Variants in DMXL2 observed in about 807,000 individuals in gnomAD.
DMXL2 encodes dmX-like protein 2.
Under a neutral mutation model 331.1 loss-of-function variants are expected in DMXL2, and 103 were observed. The ratio of observed to expected loss-of-function variants is 0.31; its 90% confidence interval spans 0.27 to 0.37. The LOEUF is 0.37. Ranked by LOEUF, DMXL2 falls within the 10% of genes least tolerant of loss-of-function variation. The probability of loss-of-function intolerance (pLI) is 1.00; values close to 1 mark genes in which losing one functional copy is unlikely to be tolerated. For synonymous variants in DMXL2, 1,281 were observed against 1,252.1 expected (o/e 1.02, Z -0.49); for missense variants, 3,171 against 3,642.9 (o/e 0.87, Z 3.33).
intron 32 of DMXL2, among the ~76,000 whole-genome samples, chr15:51,464,060 T>C (rs539790365): frequency 8.5e-4 from 130 of 152,326 alleles, no homozygotes; most frequent in Non-Finnish European, 1.5e-3. Context: ...AGCACCTTAT[T>C]TGCATATATA....
intron 2 of DMXL2, among the ~76,000 whole-genome samples, chr15:51,572,217 C>A (rs181903569): frequency 7.2e-6 from 1 of 137,998 alleles, no homozygotes; most frequent in Admixed American, 7.5e-5. Context: ...CACATACACC[C>A]TCCCAATACT....
chr15:51,469,703 C>T (rs1299634238), intron 29 of DMXL2, among the ~76,000 whole-genome samples: 5 of 152,118 alleles, frequency 3.3e-5, no homozygotes, highest in African/African-American at 1.2e-4. Flanking sequence ...GTTGTTATCA[C>T]TCACATTAAT....
chr15:51,541,281 G>A (rs1018248806), intron 9 of DMXL2, among the ~76,000 whole-genome samples: 4 of 152,016 alleles, frequency 2.6e-5, no homozygotes, highest in East Asian at 3.9e-4. Context: ...CAATAGCCAC[G>A]TTACAAAAGG....
At position 51,527,737 on chromosome 15, in the gene DMXL2, G is replaced by T. The variant is rs1348496221; in HGVS notation, c.2436+7926C>A. ...ATTCTGCCTCCAAAAAAAAAAAAAA[G>T]AAGTCATCTGAAGGTACAAAACTCA... On this transcript the variant is annotated intron_variant, in intron 13 of 43. Transcript: ENST00000560891. Among the ~76,000 whole-genome samples, 3 of 147,878 alleles carry T rather than the reference G, an allele frequency of 2.0e-5. No individual in the cohort carries two copies. In the East Asian group the frequency reaches 5.9e-4, roughly 29 times the overall value.
intron 29 of DMXL2, among the ~76,000 whole-genome samples, chr15:51,469,167 A>G (rs1014401181): frequency 4.6e-5 from 7 of 152,124 alleles, no homozygotes; most frequent in African/African-American, 1.7e-4. Flanking sequence ...TGTGGGTGTA[A>G]CACTAATGTA....
intron 16 of DMXL2, among the ~76,000 whole-genome samples, chr15:51,506,679 T>C (rs1326470440): frequency 6.6e-6 from 1 of 151,852 alleles, no homozygotes; most frequent in African/African-American, 2.4e-5. Flanking sequence ...GGTCTCGATC[T>C]CCTGACCTCG....
chr15:51,462,618 T>C (rs750709413), intron 33 of DMXL2, among the ~76,000 whole-genome samples: 2 of 152,194 alleles, frequency 1.3e-5, no homozygotes, highest in Non-Finnish European at 2.9e-5. Context: ...ATTACAGGTG[T>C]GAGCCACCGT....
At chr15:51,541,317 T>G (rs965390248) in intron 9 of DMXL2, among the ~76,000 whole-genome samples, 4 of 152,112 alleles carry the variant, frequency 2.6e-5, no homozygotes, top group Admixed American at 2.0e-4. Flanking sequence ...AATAGTAATT[T>G]TAATAATATA....
intron 15 of DMXL2, among the ~76,000 whole-genome samples, 191 bp from the exon 16 acceptor site, chr15:51,507,444 C>T (rs1310342174): frequency 6.6e-6 from 1 of 152,024 alleles, no homozygotes; most frequent in Non-Finnish European, 1.5e-5. Flanking sequence ...AATGAAATTA[C>T]GTCAAAAGTA....
In DMXL2 at chr15:51,498,849, G is replaced by C; in HGVS notation, c.4375C>G (p.Gln1459Glu). 1.9e-6 allele frequency: 3 copies of C among 1,614,080 alleles called. No individual in the cohort carries two copies. Among genetic ancestry groups the C allele is most frequent in the Non-Finnish European group, 2.5e-6 (3 of 1,179,976 alleles). Residue 1459 changes from glutamine (Q) to glutamate (E), a missense_variant, in exon 18 of 44, where the codon CAG (glutamine) becomes GAG (glutamate). Coordinates refer to ENST00000560891, the MANE Select transcript of DMXL2 (RefSeq NM_001378457.1). Reference sequence around the variant, plus strand: ...TGATCCTCTGGTTGACTTACTGTCTGATCTTCATAGCTCTGTGGTATCTTT... The same window carrying C: ...TGATCCTCTGGTTGACTTACTGTCTCATCTTCATAGCTCTGTGGTATCTTT... ...STKIPQSYEDQTVSQPEDQYS... is the reference protein window; with the variant it reads ...STKIPQSYEDETVSQPEDQYS...
chr15:51,536,225 T>C lies in DMXL2; in HGVS notation c.2255A>G (p.His752Arg), dbSNP rs2048280186. The change falls in exon 12 of 44, where the codon CAT becomes CGT. Residue 752 changes from histidine (H) to arginine (R), a missense_variant. This residue lies in a region of DMXL2 where 1,674 missense variants were observed against 1,780.2 expected (regional missense o/e 0.94). Coordinates refer to ENST00000560891, the MANE Select transcript of DMXL2 (RefSeq NM_001378457.1). ...AGCCACATTAGAGAACGCTGAGGTATGTAAAGAGTTAATTCGAGCCAATTC... is the reference window on the plus strand; with the variant it reads ...AGCCACATTAGAGAACGCTGAGGTACGTAAAGAGTTAATTCGAGCCAATTC... ...VSELARINSLHTSAFSNVAWL... is the reference protein window; with the variant it reads ...VSELARINSLRTSAFSNVAWL... 1.4e-5 allele frequency: 22 copies of C among 1,613,336 alleles called. No homozygotes were observed. Among genetic ancestry groups the C allele is most frequent in the Non-Finnish European group, 1.7e-5 (20 of 1,179,644 alleles).
chr15:51,479,395 G>C (rs755145889), intron 25 of DMXL2, among the ~76,000 whole-genome samples: 11 of 152,322 alleles, frequency 7.2e-5, no homozygotes, highest in Non-Finnish European at 1.3e-4. Context: ...ATCCTGCCAA[G>C]CTCCCTAGTG....
intron 2 of DMXL2, among the ~76,000 whole-genome samples, chr15:51,574,853 A>G (rs931791632): frequency 3.3e-4 from 50 of 152,228 alleles, no homozygotes; most frequent in African/African-American, 1.2e-3. Flanking sequence ...ATGTGTGTTC[A>G]TTGCGATTAT....
Position 51,622,676 on chromosome 15 carries a change from C to T in DMXL2, c.-131G>A, listed in dbSNP as rs2054736625. ...CCGCCCCGCGGAGGCTCTGGCTTAACTCCTCGCCCCCCTTTCGCCTTCCCT... is the reference window on the plus strand; with the variant it reads ...CCGCCCCGCGGAGGCTCTGGCTTAATTCCTCGCCCCCCTTTCGCCTTCCCT... On this transcript the variant is annotated 5_prime_UTR_variant, in exon 1 of 44. Coordinates refer to ENST00000560891, the MANE Select transcript of DMXL2 (RefSeq NM_001378457.1). The T allele has an allele frequency of 2.8e-6, 4 of 1,425,750 alleles. No individual in the cohort carries two copies. The highest frequency in any genetic ancestry group is 5.8e-5 in the Admixed American group (2 of 34,248). 88.3% of individuals were successfully genotyped at this position (1,425,750 alleles called of 1,614,324 possible).
In DMXL2 at chr15:51,466,196, G is replaced by C; in HGVS notation, c.7508C>G (p.Pro2503Arg). 1 of 1,557,906 alleles carries C rather than the reference G, an allele frequency of 6.4e-7. No individual in the cohort carries two copies. Among genetic ancestry groups the C allele is most frequent in the African/African-American group, 1.4e-5 (1 of 71,456 alleles). Residue 2503 changes from proline to arginine, a missense_variant, in exon 30 of 44, where the codon CCA (proline) becomes CGA (arginine). This residue lies in a region of DMXL2 where 766 missense variants were observed against 940.5 expected (regional missense o/e 0.81). Transcript: ENST00000560891. Reference sequence around the variant, plus strand: ...AAGTCTTATTTACCTATAGGAATTTGGATCTTGGTGCTCCTGTATTTGTGT... The same window carrying C: ...AAGTCTTATTTACCTATAGGAATTTCGATCTTGGTGCTCCTGTATTTGTGT... ...SDTQIQEHQDPNSYSWALLHL... is the reference protein window; with the variant it reads ...SDTQIQEHQDRNSYSWALLHL...
At chr15:51,591,601 C>A (rs1408812000) in intron 1 of DMXL2, among the ~76,000 whole-genome samples, 1 of 152,202 alleles carries the variant, frequency 6.6e-6, no homozygotes, top group Non-Finnish European at 1.5e-5. Flanking sequence ...CAGCACTCAG[C>A]TGGACATCTG....
intron 6 of DMXL2, among the ~76,000 whole-genome samples, chr15:51,550,776 A>T (rs2049167501): frequency 6.6e-6 from 1 of 152,174 alleles, no homozygotes; most frequent in Non-Finnish European, 1.5e-5. Context: ...CTTAAACTAA[A>T]GATTTAATCA....
At chr15:51,491,986 C>CATTTCATTTTTGTT (rs2042834932) in intron 19 of DMXL2, among the ~76,000 whole-genome samples, 1 of 152,150 alleles carries the variant, frequency 6.6e-6, no homozygotes, top group East Asian at 1.9e-4. Flanking sequence ...TTCATTTCCC[C>CATTTCATTTTTGTT]TACAAAAATA....
Position 51,622,553 on chromosome 15 carries a change from G to A in DMXL2, c.-8C>T, listed in dbSNP as rs913052313. ...GACCTGATGCAGATGCATCTCCGGA[G>A]CCCGGGCTGGACAGAATGCGCGGGA... is the stretch of plus-strand genomic sequence containing the variant. On this transcript the variant is annotated 5_prime_UTR_variant, in exon 1 of 44. Transcript: ENST00000560891. 6 of 1,550,406 alleles carry A rather than the reference G, an allele frequency of 3.9e-6. No homozygotes were observed. Among genetic ancestry groups the A allele is most frequent in the Non-Finnish European group, 4.4e-6 (5 of 1,146,346 alleles).
Sources: allele counts gnomAD v4.1 joint callset (sites outside exome capture counted in the v4.1 genomes callset), GRCh38; gene constraint gnomAD v4.1.1; regional missense constraint gnomAD v4.1.1; transcripts MANE v1.5; gene names NCBI Gene and HGNC (gene_info 2026-07-23, HGNC 2026-07-21).